The following CCT8 variants were observed in gnomAD, a reference collection of about 807,000 sequenced individuals.
CCT8 encodes the protein chaperonin containing TCP1 subunit 8.
In CCT8, 10 loss-of-function variants were observed where a neutral mutation model predicts 65.7. The observed-to-expected ratio is 0.15, with a 90% CI of 0.09 to 0.26. The LOEUF (loss-of-function observed/expected upper bound fraction) is 0.26. Ranked by LOEUF, CCT8 falls within the 10% of genes least tolerant of loss-of-function variation. CCT8 has a pLI of 1.00. For missense variants in CCT8, 568 were observed against 669.1 expected, an observed-to-expected ratio of 0.85 and a Z score of 1.67; for synonymous variants, 199 against 221.8, an observed-to-expected ratio of 0.90 and a Z score of 0.92.
In CCT8 at chr21:29,064,887, T is replaced by C. The variant is rs2085604480; in HGVS notation, c.762+81A>G. 4 of 1,222,238 alleles carry C rather than the reference T, an allele frequency of 3.3e-6. No homozygotes were observed. The Admixed American group carries it at 7.8e-5, about 24-fold the overall frequency. 75.7% of individuals were successfully genotyped at this position (1,222,238 alleles called of 1,614,324 possible). On this transcript the variant is annotated intron_variant, in intron 7 of 14. Transcript: ENST00000286788. ...CTGCAATGTTCAGTTTTTTAAGAAG[T>C]ACTTACTGGTTTAAGAGCTAACTCA...
chr21:29,070,146 T>G lies in CCT8; in HGVS notation c.151+101A>C, dbSNP rs577578856. Reference sequence around the variant, plus strand: ...ACTATCATTGAGCTATCAAATTAACTTCCGAAGTCATACCATAACATCCTC... The same window carrying G: ...ACTATCATTGAGCTATCAAATTAACGTCCGAAGTCATACCATAACATCCTC... On this transcript the variant is annotated intron_variant, in intron 2 of 14. Transcript: ENST00000286788. 8 of 602,506 alleles carry G rather than the reference T, an allele frequency of 1.3e-5. No homozygotes were observed. In the South Asian group the frequency reaches 2.4e-4, roughly 18 times the overall value. The allele number at this position is 602,506 out of a possible 1,614,324, so 37.3% of individuals were successfully genotyped here.
intron 3 of CCT8, 53 bp from the exon 4 acceptor site, chr21:29,067,758 A>G: frequency 7.7e-7 from 1 of 1,294,158 alleles, no homozygotes; most frequent in Non-Finnish European, 1.0e-6. Context: ...AGCAACATAA[A>G]ATTGTTCATT....
intron 1 of CCT8, 179 bp downstream of exon 1, chr21:29,073,352 G>A: frequency 7.0e-7 from 1 of 1,428,162 alleles, no homozygotes; most frequent in Non-Finnish European, 9.2e-7. Context: ...GAAGAGAAGT[G>A]CCCGCAGGCT....
intron 1 of CCT8, among the ~76,000 whole-genome samples, chr21:29,071,025 T>G (rs979381076): frequency 1.3e-5 from 2 of 152,160 alleles, no homozygotes; most frequent in African/African-American, 4.8e-5. Context: ...TTCTCACAAA[T>G]TCTACACTGG....
At chr21:29,066,331 G>A (rs1568913595) in intron 6 of CCT8, among the ~76,000 whole-genome samples, 2 of 151,474 alleles carry the variant, frequency 1.3e-5, no homozygotes, top group Non-Finnish European at 2.9e-5. Context: ...ACCTGAGGTC[G>A]GGAGTTCGAG....
In CCT8 at chr21:29,063,554, C is replaced by T. The variant is rs748803970; in HGVS notation, c.763-24G>A. 9 of 1,606,988 alleles carry T rather than the reference C, an allele frequency of 5.6e-6. No homozygotes were observed. In the South Asian group the frequency reaches 6.6e-5, roughly 12 times the overall value. On this transcript the variant is annotated intron_variant, in intron 7 of 14. Coordinates refer to ENST00000286788, the MANE Select transcript of CCT8 (RefSeq NM_006585.4). The stretch of plus-strand genomic sequence containing the variant: ...CCCTGGCAAAACAAGTAAACATTCC[C>T]TTTAAAATCATTTCACTACGTTGGT...
intron 14 of CCT8, chr21:29,059,494 T>A (rs2085539617): frequency 6.6e-6 from 1 of 152,242 alleles, no homozygotes; most frequent in Admixed American, 6.5e-5. Flanking sequence ...ACAGTTGGAA[T>A]TTCTGCGTTC....
chr21:29,070,372 T>A (rs2085667879), intron 1 of CCT8, 35 bp from the exon 2 acceptor site: 3 of 1,374,084 alleles, frequency 2.2e-6, no homozygotes, highest in Admixed American at 1.9e-5. Flanking sequence ...CCCCGCTAAT[T>A]AGACAGGACA....
chr21:29,062,432 G>A lies in CCT8; in HGVS notation c.1009-17C>T. 6.2e-7 allele frequency: 1 copy of A among 1,611,006 alleles called. No individual in the cohort carries two copies. Among genetic ancestry groups the A allele is most frequent in the Non-Finnish European group, 8.5e-7 (1 of 1,177,274 alleles). On this transcript the variant is annotated splice_polypyrimidine_tract_variant and intron_variant, in intron 9 of 14. Coordinates refer to ENST00000286788, the MANE Select transcript of CCT8 (RefSeq NM_006585.4). ...AGGAGGTGTCTGTAAGAAAGTGACT[G>A]TTGTAATAAAAATTCCATCTTGTTC...
chr21:29,068,187 A>G (rs1289830539), intron 3 of CCT8, among the ~76,000 whole-genome samples: 16 of 152,316 alleles, frequency 1.1e-4, no homozygotes, highest in East Asian at 5.8e-4. Flanking sequence ...CAAATATAAC[A>G]TAATTTTATG....
chr21:29,070,367 C>T, intron 1 of CCT8, 30 bp from the exon 2 acceptor site: 3 of 1,421,516 alleles, frequency 2.1e-6, no homozygotes, highest in Non-Finnish European at 2.9e-6. Context: ...AAAAACCCCG[C>T]TAATTAGACA....
chr21:29,064,833 A>G (rs2085603729), intron 7 of CCT8, 135 bp downstream of exon 7: 1 of 675,580 alleles, frequency 1.5e-6, no homozygotes, highest in East Asian at 2.6e-5. Context: ...TGAAGACTAT[A>G]AATCTGGCAT....
chr21:29,066,848 G>A (rs533997184), intron 5 of CCT8, 43 bp downstream of exon 5: 2 of 1,578,256 alleles, frequency 1.3e-6, no homozygotes, highest in South Asian at 2.3e-5. Context: ...CATGTTAAAG[G>A]TATTTTTATT....
Position 29,073,608 on chromosome 21 carries a change from C to G in CCT8, c.-18G>C. 6.2e-7 allele frequency: 1 copy of G among 1,613,544 alleles called. No homozygotes were observed. On this transcript the variant is annotated 5_prime_UTR_variant, in exon 1 of 15. Coordinates refer to ENST00000286788, the MANE Select transcript of CCT8 (RefSeq NM_006585.4). ...AGCGCCATGGCCAGCCTGCAGGAAG[C>G]AGTTCACGCGACCGCTCGGAAGACC... is the stretch of plus-strand genomic sequence containing the variant.
In CCT8 at chr21:29,059,544, T is replaced by A. The variant is rs559562066; in HGVS notation, c.1569+997A>T. On this transcript the variant is annotated intron_variant, in intron 14 of 14. Coordinates refer to ENST00000286788, the MANE Select transcript of CCT8 (RefSeq NM_006585.4). Reference sequence around the variant, plus strand: ...TACTTAGCTTCTTCCGTCCCTGCTATTTTTGGTTTCCCCTTTTATTCTTAG... The same window carrying A: ...TACTTAGCTTCTTCCGTCCCTGCTAATTTTGGTTTCCCCTTTTATTCTTAG... 4 of 152,360 alleles carry A rather than the reference T, an allele frequency of 2.6e-5. No individual in the cohort carries two copies. The East Asian group carries it at 7.7e-4, about 29-fold the overall frequency. The allele number at this position is 152,360 out of a possible 1,614,324, so 9.4% of individuals were successfully genotyped here.
chr21:29,065,956 A>C (rs2085617141), intron 6 of CCT8, among the ~76,000 whole-genome samples: 1 of 151,794 alleles, frequency 6.6e-6, no homozygotes, highest in Non-Finnish European at 1.5e-5. Context: ...GGTGGCATGC[A>C]CCTGTAATCC....
Position 29,069,516 on chromosome 21 carries a change from G to A in CCT8, c.152-14C>T. ...TTTTGTTCATTCCTCAAAAGTAACAGTTAAAAAAAGAAAAAGAAAGCCATT... is the reference window on the plus strand; with the variant it reads ...TTTTGTTCATTCCTCAAAAGTAACAATTAAAAAAAGAAAAAGAAAGCCATT... On this transcript the variant is annotated splice_polypyrimidine_tract_variant and intron_variant, in intron 2 of 14. Transcript: ENST00000286788. 6.7e-7 allele frequency: 1 copy of A among 1,486,018 alleles called. No individual in the cohort carries two copies. Among genetic ancestry groups the A allele is most frequent in the African/African-American group, 1.4e-5 (1 of 69,812 alleles). The allele number at this position is 1,486,018 out of a possible 1,614,324, so 92.1% of individuals were successfully genotyped here.
chr21:29,072,109 A>G, intron 1 of CCT8: 1 of 618,774 alleles, frequency 1.6e-6, no homozygotes, highest in Non-Finnish European at 2.9e-6. Flanking sequence ...CGGGGGAAAC[A>G]GCCCAGGCTC....
In CCT8 at chr21:29,064,959, T is replaced by C. The variant is rs780802809; in HGVS notation, c.762+9A>G. 1 of 1,612,032 alleles carries C rather than the reference T, an allele frequency of 6.2e-7. No homozygotes were observed. Among genetic ancestry groups the C allele is most frequent in the Admixed American group, 1.7e-5 (1 of 59,866 alleles). On this transcript the variant is annotated intron_variant, in intron 7 of 14. Coordinates refer to ENST00000286788, the MANE Select transcript of CCT8 (RefSeq NM_006585.4). ...CAATTATTACTTTTAAGGTTTGAAG[T>C]CTACATACCTTAGTTTCTGTTATCA...
Sources: gnomAD v4.1 joint callset for allele counts (sites outside exome capture counted in the v4.1 genomes callset) on GRCh38, gnomAD v4.1.1 for gene constraint, MANE v1.5 for transcripts, NCBI Gene and HGNC (gene_info 2026-07-23, HGNC 2026-07-21) for gene names.